Variants in PPIP5K2 observed in about 807,000 individuals in gnomAD.
PPIP5K2 encodes the protein inositol hexakisphosphate and diphosphoinositol-pentakisphosphate kinase 2.
PPIP5K2 carries 105 observed loss-of-function variants against 154.6 expected under a neutral mutation model. The observed-to-expected ratio is 0.68, with a 90% confidence interval of 0.58 to 0.80. The LOEUF (loss-of-function observed/expected upper bound fraction) is 0.80, where lower values mean the gene tolerates loss of function less well. Among genes scored for constraint, PPIP5K2 ranks in the 30% least tolerant of loss-of-function variants. The pLI is 0.00. For synonymous variants in PPIP5K2, 480 were observed against 490.3 expected, an observed-to-expected ratio of 0.98 and a Z score of 0.28; for missense variants, 992 against 1,504.6, an observed-to-expected ratio of 0.66 and a Z score of 5.64.
At chr5:103,123,032 G>A (rs1185262276) in intron 1 of PPIP5K2, among the ~76,000 whole-genome samples, 1 of 152,180 alleles carries the variant, frequency 6.6e-6, no homozygotes, top group Non-Finnish European at 1.5e-5. Flanking sequence ...AGTGGCAAAC[G>A]GGAGTTTCTG....
At chr5:103,142,649 G>A (rs868963094) in intron 5 of PPIP5K2, among the ~76,000 whole-genome samples, 1 of 152,058 alleles carries the variant, frequency 6.6e-6, no homozygotes, top group Middle Eastern at 3.2e-3. Flanking sequence ...GGTGGCGGGC[G>A]CCTGTAGTCC....
chr5:103,197,679 G>A (rs1216578827), intron 30 of PPIP5K2, among the ~76,000 whole-genome samples: 3 of 147,628 alleles, frequency 2.0e-5, no homozygotes, highest in African/African-American at 7.5e-5. Flanking sequence ...GGGTTCAAGC[G>A]ATTCTCCTGT....
chr5:103,176,760 T>C (rs1798780791), intron 21 of PPIP5K2: 1 of 573,164 alleles, frequency 1.7e-6, no homozygotes, highest in Non-Finnish European at 3.0e-6. Flanking sequence ...GACTTTACTT[T>C]GAGTAGTTTT....
intron 28 of PPIP5K2, chr5:103,189,170 A>G: frequency 5.2e-6 from 8 of 1,528,604 alleles, no homozygotes; most frequent in Non-Finnish European, 7.0e-6. Flanking sequence ...TGTGCAGAAC[A>G]CCTACACCTC....
In PPIP5K2 at chr5:103,146,523, A is replaced by G; in HGVS notation, c.488-4A>G. 3 of 1,608,012 alleles carry G rather than the reference A, an allele frequency of 1.9e-6. No homozygotes were observed. The highest frequency in any genetic ancestry group is 1.1e-5 in the South Asian group (1 of 90,442). On this transcript the variant is annotated splice_region_variant and splice_polypyrimidine_tract_variant and intron_variant, in intron 5 of 30. Coordinates refer to ENST00000358359, the MANE Select transcript of PPIP5K2 (RefSeq NM_001276277.3). Reference sequence around the variant, plus strand: ...TATTTCTTGCAATCGTGTTTGTTTTATAGAATGTAATCTGATTGAAGGGGA... The same window carrying G: ...TATTTCTTGCAATCGTGTTTGTTTTGTAGAATGTAATCTGATTGAAGGGGA...
At chr5:103,161,307 G>A (rs1580260974) in intron 17 of PPIP5K2, among the ~76,000 whole-genome samples, 1 of 152,082 alleles carries the variant, frequency 6.6e-6, no homozygotes, top group African/African-American at 2.4e-5. Context: ...TTTTATGGCT[G>A]CATAGTATTC....
chr5:103,149,048 AAC>A (rs1167279383), intron 7 of PPIP5K2, 102 bp from the exon 8 acceptor site: 1 of 941,232 alleles, frequency 1.1e-6, no homozygotes, highest in Non-Finnish European at 1.5e-6. Flanking sequence ...CTGGATTCTG[AAC>A]TATTTTTTAG....
chr5:103,152,529 C>T, intron 9 of PPIP5K2, 119 bp from the exon 10 acceptor site: 1 of 596,298 alleles, frequency 1.7e-6, no homozygotes, highest in Admixed American at 3.4e-5. Flanking sequence ...TGTGGGTTAT[C>T]TTTTATGTGA....
intron 2 of PPIP5K2, among the ~76,000 whole-genome samples, chr5:103,132,471 G>A (rs1019247965): frequency 4.6e-5 from 7 of 152,024 alleles, no homozygotes; most frequent in African/African-American, 7.2e-5. Flanking sequence ...GCTTGAACCC[G>A]GGAGGCGGAG....
chr5:103,181,735 G>A (rs1486649017), intron 24 of PPIP5K2, among the ~76,000 whole-genome samples: 1 of 151,960 alleles, frequency 6.6e-6, no homozygotes, highest in African/African-American at 2.4e-5. Flanking sequence ...CATTTAATGG[G>A]TGAGAATAAA....
chr5:103,188,861 T>G (rs1554225962), intron 28 of PPIP5K2: 1 of 254,526 alleles, frequency 3.9e-6, no homozygotes, highest in African/African-American at 2.2e-5. Context: ...GTTTAGGCTC[T>G]TTTTTAAAAA....
rs782779306 is a variant in PPIP5K2 at position 103,206,177 on chromosome 5, T to C, written c.*4543T>C. ...CATTTCTGAAGGTCCAAAGGTGGGGTTGGCTTCAGCCACAGTTGCATTAGC... is the reference window on the plus strand; with the variant it reads ...CATTTCTGAAGGTCCAAAGGTGGGGCTGGCTTCAGCCACAGTTGCATTAGC... On this transcript the variant is annotated 3_prime_UTR_variant, in exon 31 of 31. Coordinates refer to ENST00000358359, the MANE Select transcript of PPIP5K2 (RefSeq NM_001276277.3). 2.0e-5 allele frequency: 3 copies of C among 152,158 alleles called. No individual in the cohort carries two copies. Among genetic ancestry groups the C allele is most frequent in the Non-Finnish European group, 2.9e-5 (2 of 68,020 alleles). 9.4% of individuals were successfully genotyped at this position (152,158 alleles called of 1,614,324 possible).
At chr5:103,167,118 A>G in intron 17 of PPIP5K2, 61 bp from the exon 18 acceptor site, 3 of 1,287,440 alleles carry the variant, frequency 2.3e-6, no homozygotes, top group Non-Finnish European at 2.1e-6. Context: ...GTATATATAT[A>G]TTGTTCTCTT....
At position 103,151,233 on chromosome 5, in the gene PPIP5K2, T is replaced by G. The variant is rs782601548; in HGVS notation, c.907-20T>G. On this transcript the variant is annotated intron_variant, in intron 8 of 30. Coordinates refer to ENST00000358359, the MANE Select transcript of PPIP5K2 (RefSeq NM_001276277.3). ...AATAATTTAAATAAAACCTTAAAGT[T>G]TATAACTTATTTTAAATAGCAAACA... The G allele has an allele frequency of 5.1e-6, 8 of 1,575,626 alleles. No homozygotes were observed. Among genetic ancestry groups the G allele is most frequent in the Non-Finnish European group, 5.2e-6 (6 of 1,159,864 alleles).
At position 103,209,967 on chromosome 5, in the gene PPIP5K2, A is replaced by G. The variant is rs940337549; in HGVS notation, c.*8333A>G. The G allele has an allele frequency of 2.0e-5, 3 of 152,186 alleles. No individual in the cohort carries two copies. Among genetic ancestry groups the G allele is most frequent in the African/African-American group, 7.2e-5 (3 of 41,440 alleles). The allele number at this position is 152,186 out of a possible 1,614,324, so 9.4% of individuals were successfully genotyped here. A position where few individuals can be genotyped will look rare whatever the true frequency, so the allele number is the denominator to read the frequency against. ...ATGCCTGTACTCAAAAGTCATGACA[A>G]TAAAATGAGACCTGGGAGTCCCAAA... On this transcript the variant is annotated 3_prime_UTR_variant, in exon 31 of 31. Transcript: ENST00000358359.
intron 18 of PPIP5K2, among the ~76,000 whole-genome samples, chr5:103,167,670 A>C (rs1403839382): frequency 6.6e-6 from 1 of 151,922 alleles, no homozygotes; most frequent in Non-Finnish European, 1.5e-5. Context: ...CAACTTTGGC[A>C]TCTTGGGTTT....
At chr5:103,169,892 G>C (rs1580320452) in intron 19 of PPIP5K2, among the ~76,000 whole-genome samples, 1 of 151,408 alleles carries the variant, frequency 6.6e-6, no homozygotes, top group Non-Finnish European at 1.5e-5. Context: ...ATTTATGGCA[G>C]CTATAAGCAC....
intron 2 of PPIP5K2, among the ~76,000 whole-genome samples, chr5:103,131,001 T>C (rs908164575): frequency 1.3e-5 from 2 of 152,228 alleles, no homozygotes; most frequent in Non-Finnish European, 2.9e-5. Flanking sequence ...TTTGCTATTG[T>C]ATGTACTCTT....
intron 14 of PPIP5K2, among the ~76,000 whole-genome samples, chr5:103,156,210 C>G (rs780900518): frequency 8.5e-5 from 13 of 152,078 alleles, no homozygotes; most frequent in Non-Finnish European, 1.3e-4. Context: ...TTTTATTGTT[C>G]TGAAAACTGC....
Sources: allele counts gnomAD v4.1 joint callset (sites outside exome capture counted in the v4.1 genomes callset), GRCh38; gene constraint gnomAD v4.1.1; transcripts MANE v1.5; gene names NCBI Gene and HGNC (gene_info 2026-07-23, HGNC 2026-07-21).